Variants in TRPM2 observed in about 807,000 individuals in gnomAD.
TRPM2 encodes estrogen-responsive element-associated gene 1 protein.
TRPM2 carries 161 observed loss-of-function variants against 174.0 expected under a neutral mutation model. The observed-to-expected ratio is 0.93, with a 90% CI of 0.81 to 1.05. The LOEUF (loss-of-function observed/expected upper bound fraction) is 1.05, where lower values mean the gene tolerates loss of function less well. TRPM2 is among the 50% of genes least tolerant of loss of function. The pLI is 0.00. For synonymous variants in TRPM2, 954 were observed against 861.3 expected (o/e 1.11, Z -1.88); for missense variants, 2,057 against 2,038.0 (o/e 1.01, Z -0.18).
Position 44,366,706 on chromosome 21 carries a change from C to G in TRPM2, c.424-48C>G, listed in dbSNP as rs1290995736. On this transcript the variant is annotated intron_variant, in intron 3 of 31. Coordinates refer to ENST00000397928, the MANE Select transcript of TRPM2 (RefSeq NM_003307.4). The surrounding 1 kb of genome is among the most constrained non-coding windows in gnomAD (Gnocchi z 6.0). ...TGGCCTGTGTGGGTCGGTGCTGTCC[C>G]TGACCACTGACACACAGGTTCCCTC... The G allele has an allele frequency of 6.2e-7, 1 of 1,611,866 alleles. No homozygotes were observed. The highest frequency in any genetic ancestry group is 1.1e-5 in the South Asian group (1 of 90,968).
chr21:44,393,498 G>A (rs528492646), intron 11 of TRPM2, among the ~76,000 whole-genome samples: 1 of 152,198 alleles, frequency 6.6e-6, no homozygotes, highest in Admixed American at 6.5e-5. Context: ...AGTTTTATTT[G>A]GGGGGCTATA....
At chr21:44,429,458 T>C (rs1007572173) in intron 27 of TRPM2, among the ~76,000 whole-genome samples, 8 of 151,888 alleles carry the variant, frequency 5.3e-5, no homozygotes. Flanking sequence ...CAGCTAATTT[T>C]GTATTTTTAG....
intron 2 of TRPM2, among the ~76,000 whole-genome samples, chr21:44,357,255 T>C (rs754632703): frequency 3.9e-5 from 6 of 152,226 alleles, no homozygotes; most frequent in Non-Finnish European, 8.8e-5. Flanking sequence ...GTCTGGGGCC[T>C]CTGCCAGTCG....
intron 4 of TRPM2, among the ~76,000 whole-genome samples, chr21:44,368,511 A>C (rs1409225661): frequency 4.0e-5 from 6 of 150,892 alleles, no homozygotes; most frequent in Non-Finnish European, 5.9e-5. Flanking sequence ...AGCTCACTGC[A>C]ACCTCTGCCT....
At chr21:44,408,889 C>T (rs1008214470) in intron 19 of TRPM2, among the ~76,000 whole-genome samples, 1 of 152,070 alleles carries the variant, frequency 6.6e-6, no homozygotes, top group Non-Finnish European at 1.5e-5. Flanking sequence ...ATCTCCTGAC[C>T]TCGTGATCCA....
intron 25 of TRPM2, 143 bp downstream of exon 25, chr21:44,425,970 T>A (rs2050754270): frequency 2.5e-6 from 3 of 1,187,250 alleles, no homozygotes; most frequent in Non-Finnish European, 3.3e-6. Flanking sequence ...GCAGCCCCTG[T>A]TTGACATTTG....
In TRPM2 at chr21:44,366,796, C is replaced by G; in HGVS notation, c.466C>G (p.His156Asp). The stretch of plus-strand genomic sequence containing the variant: ...GGACACGCCCTCCAGCGTGATCTAC[C>G]ACCTCATGACCCAGCACTGGGGGCT... ...SQDTPSSVIY[H>D]LMTQHWGLDV... Residue 156 changes from histidine (H) to aspartate (D), a missense_variant, in exon 4 of 32, where the codon CAC becomes GAC. Coordinates refer to ENST00000397928, the MANE Select transcript of TRPM2 (RefSeq NM_003307.4). This position sits in a 1 kb window ranked among gnomAD's most constrained non-coding sequence, Gnocchi z 6.0. 1.2e-6 allele frequency: 2 copies of G among 1,613,982 alleles called. No individual in the cohort carries two copies.
At position 44,406,690 on chromosome 21, in the gene TRPM2, G is replaced by A; in HGVS notation, c.2887G>A (p.Val963Met). The A allele has an allele frequency of 6.2e-7, 1 of 1,610,172 alleles. No individual in the cohort carries two copies. The highest frequency in any genetic ancestry group is 8.5e-7 in the Non-Finnish European group (1 of 1,179,384). Residue 963 changes from valine to methionine, a missense_variant, in exon 19 of 32, where the codon GTG becomes ATG. Val to Met is a conservative substitution (Grantham distance 21). Transcript: ENST00000397928. ...QAILIHNERR[V>M]DWLFRGAVYH... ...CATCCTCATCCACAACGAGCGCCGG[G>A]TGGACTGGCTGTTCCGAGGGGCCGT...
chr21:44,401,960 A>G (rs1199101375), intron 16 of TRPM2, 63 bp downstream of exon 16: 3 of 1,584,312 alleles, frequency 1.9e-6, no homozygotes, highest in African/African-American at 2.7e-5. Flanking sequence ...GCATTCTCAT[A>G]GGGGACCCAT....
intron 9 of TRPM2, among the ~76,000 whole-genome samples, chr21:44,388,625 G>A (rs530001692): frequency 2.6e-4 from 36 of 139,114 alleles, no homozygotes; most frequent in African/African-American, 9.8e-4. Context: ...GCCCAGCCTA[G>A]GCAACATGGA....
At chr21:44,392,106 A>G (rs1340585269) in intron 11 of TRPM2, among the ~76,000 whole-genome samples, 1 of 151,862 alleles carries the variant, frequency 6.6e-6, no homozygotes, top group Non-Finnish European at 1.5e-5. Flanking sequence ...CTGGGACTAC[A>G]GGTATGCGCC....
chr21:44,374,766 C>T (rs374639224), intron 5 of TRPM2, among the ~76,000 whole-genome samples: 7 of 152,230 alleles, frequency 4.6e-5, no homozygotes, highest in South Asian at 2.1e-4. Context: ...GATGAAGCTT[C>T]GCTCGTTCAC....
intron 19 of TRPM2, among the ~76,000 whole-genome samples, chr21:44,410,492 C>T (rs2050069588): frequency 1.5e-5 from 1 of 67,074 alleles, no homozygotes; most frequent in Non-Finnish European, 3.8e-5. Context: ...TAAGTTTTGA[C>T]CGCACTGTCT....
At chr21:44,390,844 C>A in intron 9 of TRPM2, 60 bp from the exon 10 acceptor site, 1 of 1,607,988 alleles carries the variant, frequency 6.2e-7, no homozygotes, top group South Asian at 1.1e-5. Flanking sequence ...CATCATTTCC[C>A]TGGAGGGAAA....
chr21:44,354,892 C>T lies in TRPM2; in HGVS notation c.254+156C>T, dbSNP rs2048011488. On this transcript the variant is annotated intron_variant, in intron 2 of 31. Coordinates refer to ENST00000397928, the MANE Select transcript of TRPM2 (RefSeq NM_003307.4). This position sits in a 1 kb window ranked among gnomAD's most constrained non-coding sequence, Gnocchi z 4.3. The stretch of plus-strand genomic sequence containing the variant: ...GCTTAGAGTCCACAGAGCATTTCCA[C>T]CTAACCCTTGCAAGCCTCCTGTCGG... 6.6e-6 allele frequency among the ~76,000 whole-genome samples: 1 copy of T among 152,214 alleles called. No individual in the cohort carries two copies.
chr21:44,356,533 T>G (rs562849303), intron 2 of TRPM2, among the ~76,000 whole-genome samples: 17 of 82,852 alleles, frequency 2.1e-4, no homozygotes, highest in African/African-American at 1.0e-3. Context: ...GCTTGGCTAT[T>G]TTTTTTTTTT....
At chr21:44,359,731 A>G (rs2048158003) in intron 2 of TRPM2, among the ~76,000 whole-genome samples, 1 of 146,382 alleles carries the variant, frequency 6.8e-6, no homozygotes, top group Non-Finnish European at 1.5e-5. Flanking sequence ...GTATATATAT[A>G]CACATATATA....
In TRPM2 at chr21:44,397,845, G is replaced by T; in HGVS notation, c.2031G>T (p.Ala677=). 2 of 1,607,434 alleles carry T rather than the reference G, an allele frequency of 1.2e-6. No individual in the cohort carries two copies. The highest frequency in any genetic ancestry group is 2.2e-5 in the East Asian group (1 of 44,688). Residue 677 remains alanine, a synonymous_variant, in exon 13 of 32, where the codon GCG becomes GCT. Coordinates refer to ENST00000397928, the MANE Select transcript of TRPM2 (RefSeq NM_003307.4). ...EDTDSSEEML[A]LAEEYEHRAI... ...CGGACAGCTCGGAGGAGATGCTGGC[G>T]CTGGCGGAGGAGTATGAGCACAGAG...
chr21:44,354,821 G>C lies in TRPM2; in HGVS notation c.254+85G>C. The stretch of plus-strand genomic sequence containing the variant: ...TAGCTGATCAGGCCAAGACCCCTCA[G>C]GGCCTCAGTGAAGGGTCACTGGAGA... On this transcript the variant is annotated intron_variant, in intron 2 of 31. Coordinates refer to ENST00000397928, the MANE Select transcript of TRPM2 (RefSeq NM_003307.4). The surrounding 1 kb of genome is among the most constrained non-coding windows in gnomAD (Gnocchi z 4.3). 8.2e-7 allele frequency: 1 copy of C among 1,219,804 alleles called. No homozygotes were observed. Among genetic ancestry groups the C allele is most frequent in the Non-Finnish European group, 1.2e-6 (1 of 822,650 alleles). 75.6% of individuals were successfully genotyped at this position (1,219,804 alleles called of 1,614,324 possible).
Sources: allele counts gnomAD v4.1 joint callset (sites outside exome capture counted in the v4.1 genomes callset), GRCh38; gene constraint gnomAD v4.1.1; non-coding constraint Gnocchi (gnomAD v3.1); transcripts MANE v1.5; gene names NCBI Gene and HGNC (gene_info 2026-07-23, HGNC 2026-07-21).